OR3A2: variants seen among roughly 807,000 people sequenced by gnomAD.
The protein encoded by OR3A2 is olfactory receptor family 3 subfamily A member 2, also known as olfactory receptor 3A2.
For missense variants in OR3A2, 318 were observed against 392.8 expected, an observed-to-expected ratio of 0.81 and a Z score of 1.61; for synonymous variants, 126 against 159.3, an observed-to-expected ratio of 0.79 and a Z score of 1.57.
At chr17:3,291,700 A>G (rs200200529) in intron 3 of OR3A2, 59 of 1,611,580 alleles carry the variant, frequency 3.7e-5, no homozygotes, top group Non-Finnish European at 4.8e-5. Context: ...GGGTTTCTGA[A>G]GCTGTAGATG....
intron 2 of OR3A2, among the ~76,000 whole-genome samples, chr17:3,367,056 T>C (rs2049570425): frequency 6.6e-6 from 1 of 152,186 alleles, no homozygotes; most frequent in Admixed American, 6.5e-5. Context: ...ACTATCCAGA[T>C]AATTGATAAG....
At chr17:3,277,801 T>C (rs2048748795) in exon 2 of OR3A2, 3 of 717,114 alleles carry the variant, frequency 4.2e-6, no homozygotes, top group Admixed American at 5.4e-5. Context: ...AAGTATTTGT[T>C]GAATGAATAA....
At chr17:3,295,522 C>A (rs2048912065) in intron 3 of OR3A2, among the ~76,000 whole-genome samples, 1 of 152,014 alleles carries the variant, frequency 6.6e-6, no homozygotes, top group African/African-American at 2.4e-5. Flanking sequence ...GTAGCCCTTA[C>A]AGTGAAAGGC....
intron 2 of OR3A2, among the ~76,000 whole-genome samples, chr17:3,375,997 A>G (rs1355344282): frequency 6.6e-6 from 1 of 152,124 alleles, no homozygotes; most frequent in Non-Finnish European, 1.5e-5. Flanking sequence ...GCTCTGGTGG[A>G]GGTGGCAAAG....
chr17:3,316,555 A>G (rs1053159298), intron 3 of OR3A2, among the ~76,000 whole-genome samples: 3 of 152,240 alleles, frequency 2.0e-5, no homozygotes, highest in Non-Finnish European at 4.4e-5. Flanking sequence ...GCACATAGCA[A>G]TATTTACAAA....
intron 3 of OR3A2, among the ~76,000 whole-genome samples, chr17:3,307,247 T>C (rs79476487): frequency 0.011 from 1,729 of 152,320 alleles, 37 homozygotes; most frequent in African/African-American, 0.039. Flanking sequence ...TTCCCTTCCT[T>C]AACATTGTGT....
chr17:3,316,643 A>C (rs9897910), intron 3 of OR3A2, among the ~76,000 whole-genome samples: 23,050 of 152,254 alleles, frequency 0.15, 2,323 homozygotes, highest in African/African-American at 0.28. Context: ...AACCAGGACC[A>C]GGATTAGAAA....
At chr17:3,332,203 G>T (rs1210569610) in intron 3 of OR3A2, among the ~76,000 whole-genome samples, 2 of 152,242 alleles carry the variant, frequency 1.3e-5, no homozygotes, top group African/African-American at 4.8e-5. Flanking sequence ...AGCCTACAGA[G>T]GCAGGCAGGC....
intron 3 of OR3A2, among the ~76,000 whole-genome samples, chr17:3,330,746 C>A (rs537295370): frequency 6.6e-6 from 1 of 151,580 alleles, no homozygotes; most frequent in Admixed American, 6.6e-5. Flanking sequence ...TGAATTTGAT[C>A]CTGTCATTAT....
chr17:3,345,420 A>AAGAGAG (rs776616904), intron 2 of OR3A2, among the ~76,000 whole-genome samples: 7 of 117,344 alleles, frequency 6.0e-5, no homozygotes, highest in Middle Eastern at 4.5e-3. Flanking sequence ...AAAAAAAGGA[A>AAGAGAG]AGAGAGAGAG....
chr17:3,291,781 T>G, intron 3 of OR3A2: 1 of 1,613,786 alleles, frequency 6.2e-7, no homozygotes, highest in Non-Finnish European at 8.5e-7. Flanking sequence ...GAAAGCTTGG[T>G]TGAACCCAGT....
chr17:3,301,248 T>G (rs1214776852), intron 3 of OR3A2, among the ~76,000 whole-genome samples: 1 of 152,154 alleles, frequency 6.6e-6, no homozygotes, highest in Non-Finnish European at 1.5e-5. Context: ...CTGGTTCTAG[T>G]TCCGTGAGGA....
intron 2 of OR3A2, among the ~76,000 whole-genome samples, chr17:3,377,813 C>T (rs1023895036): frequency 6.6e-6 from 1 of 152,132 alleles, no homozygotes; most frequent in Non-Finnish European, 1.5e-5. Context: ...ACAAGAATGT[C>T]GAGAAATTGG....
chr17:3,302,864 C>G lies in OR3A2; in HGVS notation c.-84-23711G>C, dbSNP rs75826002. Among the ~76,000 whole-genome samples the G allele has an allele frequency of 8.3e-3, 1,271 of 152,272 alleles. 19 individuals are homozygous for G. Among genetic ancestry groups the G allele is most frequent in the African/African-American group, 0.029 (1,190 of 41,542 alleles). Reference sequence around the variant, plus strand: ...TGCTCATTCTGGGAAGGCCAGTACTCAGTTCGGGCTAAAAGCGGCTGCCAC... The same window carrying G: ...TGCTCATTCTGGGAAGGCCAGTACTGAGTTCGGGCTAAAAGCGGCTGCCAC... On this transcript the variant is annotated intron_variant, in intron 3 of 4. Transcript: ENST00000573491.
intron 1 of OR3A2, among the ~76,000 whole-genome samples, chr17:3,280,357 C>T (rs2048769631): frequency 6.6e-6 from 1 of 151,694 alleles, no homozygotes; most frequent in African/African-American, 2.4e-5. Flanking sequence ...CTGCAAGCTC[C>T]GCCTCCTGGG....
intron 3 of OR3A2, chr17:3,292,249 CAACG>C: frequency 6.2e-7 from 1 of 1,614,116 alleles, no homozygotes; most frequent in East Asian, 2.2e-5. Context: ...CAGTCCACTC[CAACG>C]AACAGATGGA....
At chr17:3,281,807 T>A (rs550536235) in intron 1 of OR3A2, among the ~76,000 whole-genome samples, 1 of 152,340 alleles carries the variant, frequency 6.6e-6, no homozygotes, top group South Asian at 2.1e-4. Context: ...TTAAATTAGA[T>A]TCTTAGTCCC....
intron 3 of OR3A2, among the ~76,000 whole-genome samples, chr17:3,332,443 G>C (rs748529911): frequency 6.6e-6 from 1 of 152,200 alleles, no homozygotes; most frequent in Non-Finnish European, 1.5e-5. Context: ...CGCAATATTC[G>C]GGTGGGAGTG....
intron 3 of OR3A2, among the ~76,000 whole-genome samples, chr17:3,303,931 A>AT (rs1208080482): frequency 8.3e-6 from 1 of 120,890 alleles, no homozygotes; most frequent in African/African-American, 2.8e-5. Context: ...ATAAATATAT[A>AT]TATTATATAT....
Sources: allele counts gnomAD v4.1 joint callset (sites outside exome capture counted in the v4.1 genomes callset), GRCh38; gene constraint gnomAD v4.1.1; transcripts MANE v1.5; gene names NCBI Gene and HGNC (gene_info 2026-07-23, HGNC 2026-07-21).